The following DNAJC1 variants were observed in gnomAD, a reference collection of about 807,000 sequenced individuals.
DNAJC1 encodes the protein dnaJ homolog subfamily C member 1.
In DNAJC1, 58 loss-of-function variants were observed where a neutral mutation model predicts 76.6. That is an observed-to-expected ratio of 0.76 (90% CI 0.61 to 0.94). DNAJC1 has a LOEUF of 0.94. Among genes scored for constraint, DNAJC1 ranks in the 40% least tolerant of loss-of-function variants. DNAJC1 has a pLI of 0.00. For missense variants in DNAJC1, 689 were observed against 677.3 expected (o/e 1.02, Z -0.19); for synonymous variants, 258 against 267.9 (o/e 0.96, Z 0.36).
At chr10:21,888,963 T>G (rs528654792) in intron 7 of DNAJC1, among the ~76,000 whole-genome samples, 1 of 152,152 alleles carries the variant, frequency 6.6e-6, no homozygotes, top group Non-Finnish European at 1.5e-5. Context: ...CCTGAAAGTT[T>G]AAAAAATACA....
intron 8 of DNAJC1, among the ~76,000 whole-genome samples, chr10:21,838,685 G>C (rs565448782): frequency 4.9e-4 from 74 of 152,056 alleles, no homozygotes; most frequent in African/African-American, 1.8e-3. Context: ...ACATTAGACA[G>C]ATCAACGAGA....
At chr10:21,989,261 T>C (rs1477334238) in intron 1 of DNAJC1, among the ~76,000 whole-genome samples, 3 of 152,186 alleles carry the variant, frequency 2.0e-5, no homozygotes, top group Non-Finnish European at 4.4e-5. Context: ...CTTTTAAAAA[T>C]GTTCCAACAT....
At chr10:21,840,303 A>C (rs1257467039) in intron 8 of DNAJC1, among the ~76,000 whole-genome samples, 1 of 152,222 alleles carries the variant, frequency 6.6e-6, no homozygotes, top group Non-Finnish European at 1.5e-5. Context: ...GAAAAGAGGA[A>C]GTCAAATTGT....
At position 21,929,092 on chromosome 10, in the gene DNAJC1, G is replaced by C. The variant is rs1036907012; in HGVS notation, c.272C>G (p.Thr91Ser). The change falls in exon 2 of 12, where the codon ACT (threonine) becomes AGT (serine). Residue 91 changes from threonine to serine, a missense_variant. By Grantham distance (58) the Thr-to-Ser change is moderately conservative. Transcript: ENST00000376980. ...ATCTTTATTCTTGTCTGGATGTAAAGTTAGTGAAAGCTTACGATATGCTTT... is the reference window on the plus strand; with the variant it reads ...ATCTTTATTCTTGTCTGGATGTAAACTTAGTGAAAGCTTACGATATGCTTT... ...IRKAYRKLSLTLHPDKNKDEN... is the reference protein window; with the variant it reads ...IRKAYRKLSLSLHPDKNKDEN... The C allele has an allele frequency of 1.2e-6, 2 of 1,612,448 alleles. No homozygotes were observed. Among genetic ancestry groups the C allele is most frequent in the African/African-American group, 2.7e-5 (2 of 74,952 alleles).
chr10:21,965,331 A>G (rs1228835557), intron 1 of DNAJC1, among the ~76,000 whole-genome samples: 1 of 152,240 alleles, frequency 6.6e-6, no homozygotes, highest in Non-Finnish European at 1.5e-5. Context: ...TTGTGAATAT[A>G]GTACAGTTTC....
At chr10:21,788,461 C>G (rs976673950) in intron 9 of DNAJC1, among the ~76,000 whole-genome samples, 1 of 152,212 alleles carries the variant, frequency 6.6e-6, no homozygotes, top group African/African-American at 2.4e-5. Context: ...ACACCCTACC[C>G]TACAGGCCAA....
At chr10:21,806,391 A>G (rs887834875) in intron 8 of DNAJC1, among the ~76,000 whole-genome samples, 3 of 152,160 alleles carry the variant, frequency 2.0e-5, no homozygotes, top group African/African-American at 7.2e-5. Context: ...AAAAAAGACC[A>G]TTCAGCTTTG....
intron 8 of DNAJC1, among the ~76,000 whole-genome samples, chr10:21,826,110 A>T (rs896072941): frequency 1.3e-5 from 2 of 151,886 alleles, no homozygotes; most frequent in African/African-American, 4.8e-5. Flanking sequence ...TGGTGGCAGG[A>T]ACCTGTAGTC....
intron 10 of DNAJC1, among the ~76,000 whole-genome samples, chr10:21,765,225 A>T (rs1031701271): frequency 3.3e-5 from 5 of 152,118 alleles, no homozygotes; most frequent in Admixed American, 2.0e-4. Context: ...CTTTTAAAAA[A>T]ATTTTTTTTT....
chr10:21,928,463 GA>G, intron 3 of DNAJC1, 42 bp downstream of exon 3: 1 of 1,538,928 alleles, frequency 6.5e-7, no homozygotes, highest in East Asian at 2.3e-5. Flanking sequence ...ACTGTAGCAT[GA>G]AACTATAACA....
rs191435607 is a variant in DNAJC1, at chr10:21,946,896, G to A, written c.223-17755C>T. On this transcript the variant is annotated intron_variant, in intron 1 of 11. Coordinates refer to ENST00000376980, the MANE Select transcript of DNAJC1 (RefSeq NM_022365.4). ...GTTGGGAGGAGGAACCTAATGGGAG[G>A]TGTTTAGGTCATGAGGGCTCCACCC... is the stretch of plus-strand genomic sequence containing the variant. Among the ~76,000 whole-genome samples, 5 of 152,200 alleles carry A rather than the reference G, an allele frequency of 3.3e-5. No individual in the cohort carries two copies. The East Asian group carries it at 9.7e-4, about 29-fold the overall frequency.
intron 8 of DNAJC1, among the ~76,000 whole-genome samples, chr10:21,849,384 T>C (rs982687877): frequency 2.9e-5 from 4 of 135,888 alleles, no homozygotes; most frequent in African/African-American, 5.6e-5. Context: ...CTGAAGGAAG[T>C]AGAAAAAGGA....
intron 1 of DNAJC1, among the ~76,000 whole-genome samples, chr10:21,996,018 T>C (rs932140420): frequency 2.0e-5 from 3 of 152,194 alleles, no homozygotes; most frequent in Non-Finnish European, 2.9e-5. Flanking sequence ...CATTCATTAG[T>C]ATAGGGCCCA....
intron 9 of DNAJC1, among the ~76,000 whole-genome samples, chr10:21,779,077 T>G (rs1454013153): frequency 1.3e-5 from 2 of 152,030 alleles, no homozygotes; most frequent in African/African-American, 4.8e-5. Context: ...GAGGCTTGAG[T>G]AGGTAAACAA....
In DNAJC1 at chr10:21,863,760, A is replaced by G. The variant is rs567874377; in HGVS notation, c.978+18522T>C. ...AAAAAGACCACACAATCATGCTATTAGATGCAGAAAAAAAGATCTATTCAT... is the reference window on the plus strand; with the variant it reads ...AAAAAGACCACACAATCATGCTATTGGATGCAGAAAAAAAGATCTATTCAT... On this transcript the variant is annotated intron_variant, in intron 8 of 11. Transcript: ENST00000376980. 2.6e-5 allele frequency among the ~76,000 whole-genome samples: 4 copies of G among 152,302 alleles called. No homozygotes were observed. The South Asian group carries it at 8.3e-4, about 32-fold the overall frequency.
chr10:21,962,913 C>A (rs1395578137), intron 1 of DNAJC1, among the ~76,000 whole-genome samples: 1 of 152,004 alleles, frequency 6.6e-6, no homozygotes, highest in Non-Finnish European at 1.5e-5. Flanking sequence ...AGGAACTTAT[C>A]CTCTGTTTTC....
At chr10:21,790,453 T>C (rs1834670531) in intron 9 of DNAJC1, among the ~76,000 whole-genome samples, 1 of 151,594 alleles carries the variant, frequency 6.6e-6, no homozygotes, top group Non-Finnish European at 1.5e-5. Flanking sequence ...CCCATTAGAT[T>C]TCTCCAGAGA....
At chr10:21,808,540 G>C (rs1370012276) in intron 8 of DNAJC1, among the ~76,000 whole-genome samples, 2 of 152,114 alleles carry the variant, frequency 1.3e-5, no homozygotes, top group East Asian at 3.9e-4. Flanking sequence ...TCTGAAATCT[G>C]AGAGAACCCT....
rs1451322364 is a variant in DNAJC1, at chr10:21,813,094, C to CATATATATATATAT, written c.979-6996_979-6995insATATATATATATAT. 1.1e-3 allele frequency among the ~76,000 whole-genome samples: 72 copies of CATATATATATATAT among 66,722 alleles called. 1 individual carries two copies. The highest frequency in any genetic ancestry group is 0.01 in the Middle Eastern group (2 of 196). The allele number at this position is 66,722 out of a possible 152,430, so 43.8% of individuals were successfully genotyped here. On this transcript the variant is annotated intron_variant, in intron 8 of 11. Coordinates refer to ENST00000376980, the MANE Select transcript of DNAJC1 (RefSeq NM_022365.4). ...ACATATATATACATATATACACACACACATATATATATATATATATATACA... is the reference window on the plus strand; with the variant it reads ...ACATATATATACATATATACACACACATATATATATATATACATATATATATATATATATATACA...
Sources: gnomAD v4.1 joint callset for allele counts (sites outside exome capture counted in the v4.1 genomes callset) on GRCh38, gnomAD v4.1.1 for gene constraint, MANE v1.5 for transcripts, NCBI Gene and HGNC (gene_info 2026-07-23, HGNC 2026-07-21) for gene names.